HDAC8: variants seen among roughly 807,000 people sequenced by gnomAD.
HDAC8 encodes histone deacetylase 8.
In HDAC8, 1 loss-of-function variant was observed where a neutral mutation model predicts 32.2. The observed-to-expected ratio is 0.03, with a 90% CI of 0.01 to 0.15. HDAC8 has a LOEUF of 0.15. HDAC8 is among the 10% of genes least tolerant of loss of function. HDAC8 has a pLI of 1.00. For synonymous variants in HDAC8, 108 were observed against 113.9 expected, an observed-to-expected ratio of 0.95 and a Z score of 0.33; for missense variants, 117 against 300.0, an observed-to-expected ratio of 0.39 and a Z score of 4.51.
chrX:72,507,746 C>A (rs1211579703), intron 4 of HDAC8, among the ~76,000 whole-genome samples: 1 of 112,335 alleles, frequency 8.9e-6, no homozygotes, highest in Admixed American at 9.4e-5. Flanking sequence ...ATGGAAGAGA[C>A]CAGGTTCTGC....
At position 72,509,014 on chromosome X, in the gene HDAC8, C is replaced by A. The variant is rs781840010; in HGVS notation, c.438-13746G>T. Among the ~76,000 whole-genome samples, 12 of 111,409 alleles carry A rather than the reference C, an allele frequency of 1.1e-4. No individual in the cohort carries two copies. In the East Asian group the frequency reaches 3.1e-3, roughly 29 times the overall value. On this transcript the variant is annotated intron_variant, in intron 4 of 10. Coordinates refer to ENST00000373573, the MANE Select transcript of HDAC8 (RefSeq NM_018486.3). ...CATCACCACAATCTATGCCACAAAA[C>A]TATCCCTTACCTCCAAAAGTTTTTC... is the stretch of plus-strand genomic sequence containing the variant.
rs369846164 is a variant in HDAC8 at position 72,383,907 on chromosome X, C to T, written c.1006-32069G>A. Reference sequence around the variant, plus strand: ...AAAAAAAAAAGAGGTAGCCTTTTCCCCTTTGTCTCAGTGTAGATAAAGACA... The same window carrying T: ...AAAAAAAAAAGAGGTAGCCTTTTCCTCTTTGTCTCAGTGTAGATAAAGACA... On this transcript the variant is annotated intron_variant, in intron 9 of 10. Coordinates refer to ENST00000373573, the MANE Select transcript of HDAC8 (RefSeq NM_018486.3). Among the ~76,000 whole-genome samples, 7 of 109,874 alleles carry T rather than the reference C, an allele frequency of 6.4e-5. No individual in the cohort carries two copies. In the South Asian group the frequency reaches 1.6e-3, roughly 25 times the overall value.
At chrX:72,572,303 G>A (rs1201248513) in intron 1 of HDAC8, 194 bp from the exon 2 acceptor site, 2 of 436,880 alleles carry the variant, frequency 4.6e-6, no homozygotes, top group Non-Finnish European at 7.6e-6. Context: ...AATCACTAAG[G>A]TGAAAGCTAC....
intron 5 of HDAC8, among the ~76,000 whole-genome samples, chrX:72,492,575 T>C (rs965917750): frequency 9.2e-6 from 1 of 108,280 alleles, no homozygotes; most frequent in Non-Finnish European, 1.9e-5. Flanking sequence ...GCATAAGTGT[T>C]GGGGGGTGGG....
At chrX:72,534,883 T>C (rs781848393) in intron 4 of HDAC8, among the ~76,000 whole-genome samples, 26 of 112,081 alleles carry the variant, frequency 2.3e-4, no homozygotes, top group Admixed American at 2.3e-3. Flanking sequence ...TTTGGGTGTT[T>C]AACTGCAATT....
chrX:72,529,272 G>A (rs2050254426), intron 4 of HDAC8, among the ~76,000 whole-genome samples: 1 of 112,378 alleles, frequency 8.9e-6, no homozygotes, highest in African/African-American at 3.2e-5. Context: ...ATTAAGTTAA[G>A]GGTCTTGAGA....
intron 4 of HDAC8, among the ~76,000 whole-genome samples, chrX:72,521,247 A>C (rs997476843): frequency 1.8e-5 from 2 of 111,396 alleles, no homozygotes; most frequent in Non-Finnish European, 3.8e-5. Flanking sequence ...TACATTTATT[A>C]GCTGCTGTTC....
At chrX:72,350,888 C>T (rs781967994) in intron 10 of HDAC8, among the ~76,000 whole-genome samples, 21 of 111,693 alleles carry the variant, frequency 1.9e-4, no homozygotes, top group African/African-American at 5.9e-4. Flanking sequence ...GAGGCTAGGC[C>T]GGGAAGGAGG....
chrX:72,361,664 A>G, intron 9 of HDAC8, among the ~76,000 whole-genome samples: 1 of 109,405 alleles, frequency 9.1e-6, no homozygotes, highest in East Asian at 2.9e-4. Flanking sequence ...GTGCACATGA[A>G]TGCATTGTAC....
At chrX:72,561,182 AAT>A (rs1219705044) in intron 4 of HDAC8, among the ~76,000 whole-genome samples, 3 of 111,950 alleles carry the variant, frequency 2.7e-5, no homozygotes, top group Admixed American at 1.9e-4. Flanking sequence ...TCTTCACAGA[AAT>A]AGAAAAGACA....
chrX:72,478,585 C>A (rs1366266605), intron 7 of HDAC8, among the ~76,000 whole-genome samples: 5 of 111,304 alleles, frequency 4.5e-5, no homozygotes, highest in Non-Finnish European at 9.4e-5. Context: ...CACACACGTG[C>A]CCTTTTGCTT....
At chrX:72,511,132 A>C (rs2049568738) in intron 4 of HDAC8, among the ~76,000 whole-genome samples, 1 of 111,767 alleles carries the variant, frequency 8.9e-6, no homozygotes, top group South Asian at 3.8e-4. Flanking sequence ...TAAGGCAAAA[A>C]TGTATACGTA....
intron 10 of HDAC8, among the ~76,000 whole-genome samples, chrX:72,335,909 TAAA>T (rs781970503): frequency 1.2e-5 from 1 of 85,163 alleles, no homozygotes. Context: ...ACACTGTCTC[TAAA>T]AAAAAAAAAA....
At chrX:72,508,042 C>G (rs2049450102) in intron 4 of HDAC8, among the ~76,000 whole-genome samples, 1 of 112,088 alleles carries the variant, frequency 8.9e-6, no homozygotes, top group African/African-American at 3.2e-5. Context: ...AACCAGATAC[C>G]TGCTCTGTTC....
intron 4 of HDAC8, among the ~76,000 whole-genome samples, chrX:72,540,642 C>T (rs782668878): frequency 1.8e-5 from 2 of 110,821 alleles, no homozygotes; most frequent in Admixed American, 9.6e-5. Context: ...CTGACTGCCA[C>T]GTGGAACCTC....
intron 4 of HDAC8, among the ~76,000 whole-genome samples, chrX:72,562,951 G>A (rs781957125): frequency 1.2e-3 from 129 of 104,196 alleles, no homozygotes; most frequent in African/African-American, 4.2e-3. Flanking sequence ...GCACGATCTC[G>A]GCTCTCCGCA....
At chrX:72,486,953 C>A (rs1556006009) in intron 7 of HDAC8, among the ~76,000 whole-genome samples, 2 of 111,384 alleles carry the variant, frequency 1.8e-5, no homozygotes, top group African/African-American at 6.5e-5. Context: ...AATTATTATA[C>A]CTCTAATGAA....
chrX:72,445,668 C>G (rs1476061199), intron 9 of HDAC8, among the ~76,000 whole-genome samples: 1 of 111,740 alleles, frequency 8.9e-6, no homozygotes, highest in Non-Finnish European at 1.9e-5. Flanking sequence ...GCAACAAAAG[C>G]CAAAATTGAT....
intron 4 of HDAC8, among the ~76,000 whole-genome samples, chrX:72,513,823 G>A (rs1444472216): frequency 9.0e-6 from 1 of 111,579 alleles, no homozygotes; most frequent in Non-Finnish European, 1.9e-5. Flanking sequence ...ACCAAAATCA[G>A]GAAGCTTTAA....
Sources: gnomAD v4.1 joint callset for allele counts (sites outside exome capture counted in the v4.1 genomes callset) on GRCh38, gnomAD v4.1.1 for gene constraint, MANE v1.5 for transcripts, NCBI Gene and HGNC (gene_info 2026-07-23, HGNC 2026-07-21) for gene names.